Variants in RBM19 observed in about 807,000 individuals in gnomAD.
RBM19 encodes the protein probable RNA-binding protein 19.
Under a neutral mutation model 116.8 loss-of-function variants are expected in RBM19, and 94 were observed. That is an observed-to-expected ratio of 0.80 (90% confidence interval 0.68 to 0.95). The LOEUF is 0.95. Among genes scored for constraint, RBM19 ranks in the 40% least tolerant of loss-of-function variants. The pLI is 0.00. For synonymous variants in RBM19, 475 were observed against 494.1 expected (o/e 0.96, Z 0.51); for missense variants, 1,161 against 1,220.7 (o/e 0.95, Z 0.73).
At chr12:113,928,353 A>AAAC (rs151121535) in intron 16 of RBM19, among the ~76,000 whole-genome samples, 40 of 150,966 alleles carry the variant, frequency 2.6e-4, no homozygotes, top group Admixed American at 7.3e-4. Flanking sequence ...AAAACAAAAC[A>AAAC]AACAACAACA....
At chr12:113,818,407 C>A (rs1016522904), downstream of RBM19, among the ~76,000 whole-genome samples, 1 of 152,154 alleles carries the variant, frequency 6.6e-6, no homozygotes, top group African/African-American at 2.4e-5. Flanking sequence ...CAGGGGGGCA[C>A]CTCCTACAGG....
intron 21 of RBM19, among the ~76,000 whole-genome samples, chr12:113,885,613 TG>T (rs1368861302): frequency 4.6e-5 from 7 of 152,214 alleles, no homozygotes; most frequent in East Asian, 1.9e-4. Flanking sequence ...AAAAGGATCT[TG>T]TTTTTTTTAA....
chr12:113,870,210 C>T (rs1223779194), intron 21 of RBM19, among the ~76,000 whole-genome samples: 1 of 152,160 alleles, frequency 6.6e-6, no homozygotes, highest in Non-Finnish European at 1.5e-5. Context: ...CACTGTGTCG[C>T]CGGCTCACAC....
intron 21 of RBM19, among the ~76,000 whole-genome samples, chr12:113,868,050 AT>A (rs1256473652): frequency 6.6e-5 from 10 of 152,200 alleles, no homozygotes; most frequent in Non-Finnish European, 1.5e-5. Context: ...CACACCCTTT[AT>A]TTAAGAGCAC....
chr12:113,820,360 A>C (rs1453095968), downstream of RBM19, among the ~76,000 whole-genome samples: 3 of 152,130 alleles, frequency 2.0e-5, no homozygotes, highest in Admixed American at 1.3e-4. Context: ...AGGAAAATAA[A>C]AAGGCGCCAC....
At chr12:113,946,242 G>C (rs969115914) in intron 12 of RBM19, 112 bp downstream of exon 12, 9 of 1,433,100 alleles carry the variant, frequency 6.3e-6, no homozygotes, top group Non-Finnish European at 8.7e-6. Flanking sequence ...AGCTCGGTAA[G>C]GTATGAACTA....
intron 21 of RBM19, among the ~76,000 whole-genome samples, chr12:113,887,634 C>CAAAAAAAAAAAAAAAA (rs35665613): frequency 2.8e-5 from 2 of 71,094 alleles, no homozygotes; most frequent in Non-Finnish European, 4.9e-5. Flanking sequence ...GACTCCATCT[C>CAAAAAAAAAAAAAAAA]AAAAAAAAAA....
intron 21 of RBM19, among the ~76,000 whole-genome samples, chr12:113,885,831 C>T (rs1880474408): frequency 6.8e-6 from 1 of 147,524 alleles, no homozygotes. Flanking sequence ...ATAAGTTTAA[C>T]ATCATATGCT....
chr12:113,948,825 A>C lies in RBM19; in HGVS notation c.1276+8T>G, dbSNP rs781691954. The stretch of plus-strand genomic sequence containing the variant: ...GGGCTATCCACGGCCCGGAGGCCAC[A>C]CCCCTACCATATTTGGAGAAGAGCT... On this transcript the variant is annotated splice_region_variant and intron_variant, in intron 10 of 23. Transcript: ENST00000261741. The C allele has an allele frequency of 6.2e-7, 1 of 1,613,954 alleles. No homozygotes were observed. The highest frequency in any genetic ancestry group is 1.1e-5 in the South Asian group (1 of 91,066).
At chr12:113,947,485 G>A (rs1482465285) in intron 10 of RBM19, 21 bp from the exon 11 acceptor site, 5 of 1,579,890 alleles carry the variant, frequency 3.2e-6, no homozygotes, top group Middle Eastern at 1.7e-4. Context: ...GAGAAGTGTC[G>A]GTCTCTGGTA....
chr12:113,833,200 G>A (rs114921684), intron 23 of RBM19, among the ~76,000 whole-genome samples: 2,685 of 152,178 alleles, frequency 0.018, 87 homozygotes, highest in African/African-American at 0.062. Flanking sequence ...CCACCATCCC[G>A]TGAGTGGCTT....
intron 2 of RBM19, among the ~76,000 whole-genome samples, chr12:113,961,431 G>A (rs1872489507): frequency 1.3e-5 from 2 of 152,114 alleles, no homozygotes; most frequent in South Asian, 2.1e-4. Context: ...TACAATGGAA[G>A]TTAAAAAAGA....
Position 113,927,112 on chromosome 12 carries a change from C to G in RBM19, c.2186G>C (p.Gly729Ala), listed in dbSNP as rs1308316390. 2.5e-6 allele frequency: 4 copies of G among 1,613,588 alleles called. No homozygotes were observed. The South Asian group carries it at 4.4e-5, about 18-fold the overall frequency. Residue 729 changes from glycine (G) to alanine (A), a missense_variant, in exon 17 of 24, where the codon GGA becomes GCA. Transcript: ENST00000261741. ...EEEEEEESLP[G>A]CTLFIKNLNF... is the part of the protein sequence containing the mutation. ...GAGATTCTTAATAAACAGAGTACAT[C>G]CTGGGAGGCTCTCTTCTTCTTCTTC...
At chr12:113,952,164 G>A (rs1052098096) in intron 8 of RBM19, among the ~76,000 whole-genome samples, 1 of 152,110 alleles carries the variant, frequency 6.6e-6, no homozygotes, top group Non-Finnish European at 1.5e-5. Context: ...GCAACTCAGA[G>A]CCCTGCCCAC....
chr12:113,940,852 C>T (rs1054570619), intron 14 of RBM19, among the ~76,000 whole-genome samples: 1 of 152,234 alleles, frequency 6.6e-6, no homozygotes, highest in Non-Finnish European at 1.5e-5. Context: ...GAGAAATGTA[C>T]TTAACTGTGC....
At chr12:113,819,888 C>A (rs1874302225), downstream of RBM19, among the ~76,000 whole-genome samples, 1 of 152,228 alleles carries the variant, frequency 6.6e-6, no homozygotes, top group Non-Finnish European at 1.5e-5. Context: ...CATTCTAGAA[C>A]AATGATGATG....
At chr12:113,899,212 G>A (rs1249091259) in intron 21 of RBM19, among the ~76,000 whole-genome samples, 1 of 152,236 alleles carries the variant, frequency 6.6e-6, no homozygotes, top group East Asian at 1.9e-4. Flanking sequence ...GATCAGAAAG[G>A]TTAGGTGACT....
At chr12:113,823,432 A>C (rs2059598) in intron 23 of RBM19, 111 bp from the exon 24 acceptor site, 192,070 of 868,082 alleles carry the variant, frequency 0.22, 22,245 homozygotes, top group South Asian at 0.29. Flanking sequence ...GAGCAGAACA[A>C]GGGTGCGGGG....
chr12:113,858,046 A>G (rs185136380), intron 22 of RBM19, among the ~76,000 whole-genome samples: 1 of 152,360 alleles, frequency 6.6e-6, no homozygotes, highest in Admixed American at 6.5e-5. Flanking sequence ...ACAGCTCTGC[A>G]GCCACATTCC....
Sources: allele counts gnomAD v4.1 joint callset (sites outside exome capture counted in the v4.1 genomes callset), GRCh38; gene constraint gnomAD v4.1.1; transcripts MANE v1.5; gene names NCBI Gene and HGNC (gene_info 2026-07-23, HGNC 2026-07-21).